ICA1L: variants seen among roughly 807,000 people sequenced by gnomAD.
The protein encoded by ICA1L is islet cell autoantigen 1 like.
In ICA1L, 50 loss-of-function variants were observed where a neutral mutation model predicts 61.3. The ratio of observed to expected loss-of-function variants is 0.82; its 90% CI spans 0.65 to 1.03. The LOEUF is 1.03. Ranked by LOEUF, ICA1L falls within the 50% of genes least tolerant of loss-of-function variation. The probability of loss-of-function intolerance (pLI) is 0.00; values close to 1 mark genes in which losing one functional copy is unlikely to be tolerated. For missense variants in ICA1L, 508 were observed against 556.7 expected, an observed-to-expected ratio of 0.91 and a Z score of 0.88; for synonymous variants, 161 against 191.3, an observed-to-expected ratio of 0.84 and a Z score of 1.31.
At chr2:202,867,385 G>A (rs1168499941) in intron 1 of ICA1L, among the ~76,000 whole-genome samples, 1 of 152,102 alleles carries the variant, frequency 6.6e-6, no homozygotes, top group Non-Finnish European at 1.5e-5. Context: ...CACATACCTA[G>A]GAGCTATTGC....
At chr2:202,864,056 G>C (rs1372100910) in intron 1 of ICA1L, among the ~76,000 whole-genome samples, 1 of 152,018 alleles carries the variant, frequency 6.6e-6, no homozygotes, top group Non-Finnish European at 1.5e-5. Flanking sequence ...TAAATCCCAT[G>C]AAAACAAAAC....
chr2:202,868,167 G>C (rs1161424539), intron 1 of ICA1L, among the ~76,000 whole-genome samples: 3 of 150,516 alleles, frequency 2.0e-5, no homozygotes, highest in African/African-American at 7.3e-5. Context: ...TTTAGCCAAA[G>C]TAAAAAAAGA....
intron 3 of ICA1L, among the ~76,000 whole-genome samples, chr2:202,821,951 A>G (rs1165802292): frequency 6.6e-6 from 1 of 152,166 alleles, no homozygotes; most frequent in Non-Finnish European, 1.5e-5. Context: ...GTTCTGCTCC[A>G]GCAACCCTAA....
intron 1 of ICA1L, among the ~76,000 whole-genome samples, chr2:202,867,734 G>A (rs1359150578): frequency 2.0e-5 from 3 of 152,122 alleles, no homozygotes; most frequent in Non-Finnish European, 2.9e-5. Context: ...CAAAGTGCTG[G>A]CAACAATGAG....
At chr2:202,825,818 A>G in intron 2 of ICA1L, 51 bp from the exon 3 acceptor site, 1 of 1,118,372 alleles carries the variant, frequency 8.9e-7, no homozygotes. Context: ...AAACAAATAT[A>G]TGTTATAAGC....
At chr2:202,781,539 A>T (rs1574319586) in intron 12 of ICA1L, among the ~76,000 whole-genome samples, 1 of 148,758 alleles carries the variant, frequency 6.7e-6, no homozygotes, top group Non-Finnish European at 1.5e-5. Context: ...GCACCACTGC[A>T]CTCCAGCCTG....
intron 12 of ICA1L, among the ~76,000 whole-genome samples, chr2:202,783,139 TAGAG>T (rs1692464450): frequency 6.6e-6 from 1 of 151,960 alleles, no homozygotes; most frequent in South Asian, 2.1e-4. Flanking sequence ...AACTTGTAAA[TAGAG>T]AGGGAATGAG....
intron 5 of ICA1L, among the ~76,000 whole-genome samples, chr2:202,818,001 A>T (rs1299426297): frequency 1.3e-5 from 2 of 152,224 alleles, no homozygotes; most frequent in Non-Finnish European, 2.9e-5. Context: ...GAGTCATGCC[A>T]TCAGGTAGTG....
At chr2:202,830,865 T>C (rs1339373316) in intron 1 of ICA1L, among the ~76,000 whole-genome samples, 1 of 152,180 alleles carries the variant, frequency 6.6e-6, no homozygotes, top group African/African-American at 2.4e-5. Context: ...AACAATTATA[T>C]TATTTAGTAT....
At chr2:202,805,884 G>A (rs946254792) in intron 9 of ICA1L, among the ~76,000 whole-genome samples, 2 of 152,182 alleles carry the variant, frequency 1.3e-5, no homozygotes, top group Admixed American at 1.3e-4. Context: ...TTAAAAAAAA[G>A]TTCTGTATTT....
chr2:202,862,272 C>CAAAAAAAA (rs778355110), intron 1 of ICA1L, among the ~76,000 whole-genome samples: 1 of 62,968 alleles, frequency 1.6e-5, no homozygotes, highest in African/African-American at 8.3e-5. Context: ...CTCATTTCTA[C>CAAAAAAAA]AAAAAAAAAA....
chr2:202,869,228 G>A (rs1424478228), intron 1 of ICA1L, among the ~76,000 whole-genome samples: 1 of 151,518 alleles, frequency 6.6e-6, no homozygotes, highest in African/African-American at 2.4e-5. Flanking sequence ...CGTGGTGGCG[G>A]GCGCCTGTAG....
chr2:202,867,898 A>C (rs943845566), intron 1 of ICA1L, among the ~76,000 whole-genome samples: 3 of 152,256 alleles, frequency 2.0e-5, no homozygotes, highest in African/African-American at 7.2e-5. Flanking sequence ...AAAGACCTGT[A>C]AATGTTCTTG....
intron 1 of ICA1L, among the ~76,000 whole-genome samples, chr2:202,842,810 A>C (rs535714451): frequency 6.6e-6 from 1 of 152,332 alleles, no homozygotes; most frequent in African/African-American, 2.4e-5. Context: ...AGAAAATCTT[A>C]TAAGCTTTAA....
chr2:202,845,748 G>A (rs1466250936), intron 1 of ICA1L, among the ~76,000 whole-genome samples: 1 of 152,018 alleles, frequency 6.6e-6, no homozygotes, highest in Non-Finnish European at 1.5e-5. Flanking sequence ...AATCTCTTTA[G>A]AGGTAGATTT....
At chr2:202,792,982 G>A (rs934877838) in intron 10 of ICA1L, among the ~76,000 whole-genome samples, 1 of 152,054 alleles carries the variant, frequency 6.6e-6, no homozygotes, top group Non-Finnish European at 1.5e-5. Flanking sequence ...AATTACCTAC[G>A]GCTTGGAGTG....
In ICA1L at chr2:202,774,448, A is replaced by C; in HGVS notation, c.*5085T>G. On this transcript the variant is annotated 3_prime_UTR_variant, in exon 13 of 13. Coordinates refer to ENST00000358299, the MANE Select transcript of ICA1L (RefSeq NM_001288622.3). ...GCTCCCCGTTCGTCCAGGCCAGCTC[A>C]AGAAACAACTTTTTCTTTCATGTTT... 1 of 566,604 alleles carries C rather than the reference A, an allele frequency of 1.8e-6. No homozygotes were observed. Among genetic ancestry groups the C allele is most frequent in the Non-Finnish European group, 2.8e-6 (1 of 361,032 alleles). The allele number at this position is 566,604 out of a possible 1,614,324, so 35.1% of individuals were successfully genotyped here.
At chr2:202,794,345 CAAAA>C (rs202022262) in intron 10 of ICA1L, among the ~76,000 whole-genome samples, 11 of 90,954 alleles carry the variant, frequency 1.2e-4, no homozygotes, top group African/African-American at 5.0e-4. Flanking sequence ...GACTCCATCT[CAAAA>C]AAAAAAAAAA....
At chr2:202,811,161 G>T (rs1006648247) in intron 9 of ICA1L, among the ~76,000 whole-genome samples, 22 of 152,138 alleles carry the variant, frequency 1.4e-4, no homozygotes, top group Middle Eastern at 6.8e-3. Context: ...TTTGCGGCTT[G>T]TGGGGCATCA....
Sources: allele counts gnomAD v4.1 joint callset (sites outside exome capture counted in the v4.1 genomes callset), GRCh38; gene constraint gnomAD v4.1.1; transcripts MANE v1.5; gene names NCBI Gene and HGNC (gene_info 2026-07-23, HGNC 2026-07-21).